Variants in SLC4A10 observed in about 807,000 individuals in gnomAD.
The protein encoded by SLC4A10 is solute carrier family 4 member 10.
A neutral mutation model predicts 137.7 loss-of-function variants in SLC4A10; 42 were observed. The ratio of observed to expected loss-of-function variants is 0.30; its 90% CI spans 0.24 to 0.39. SLC4A10 has a LOEUF of 0.39. Among genes scored for constraint, SLC4A10 ranks in the 10% least tolerant of loss-of-function variants. The pLI is 1.00. For synonymous variants in SLC4A10, 474 were observed against 464.1 expected, an observed-to-expected ratio of 1.02 and a Z score of -0.27; for missense variants, 925 against 1,355.0, an observed-to-expected ratio of 0.68 and a Z score of 4.98.
At chr2:161,982,031 G>C (rs1432434545) in intron 26 of SLC4A10, among the ~76,000 whole-genome samples, 10 of 152,234 alleles carry the variant, frequency 6.6e-5, no homozygotes, top group Non-Finnish European at 1.2e-4. Context: ...TGACCACTTA[G>C]AAAGTTGTAC....
At chr2:161,827,042 G>C (rs933785948) in intron 3 of SLC4A10, among the ~76,000 whole-genome samples, 6 of 152,120 alleles carry the variant, frequency 3.9e-5, no homozygotes, top group Admixed American at 1.3e-4. Flanking sequence ...TCACTACTTA[G>C]TATGGTATCT....
chr2:161,741,705 G>T (rs2047916282), intron 1 of SLC4A10, among the ~76,000 whole-genome samples: 1 of 152,094 alleles, frequency 6.6e-6, no homozygotes, highest in Non-Finnish European at 1.5e-5. Flanking sequence ...CATAATAGGT[G>T]TATATATTTA....
intron 15 of SLC4A10, among the ~76,000 whole-genome samples, chr2:161,909,017 G>A (rs1173754542): frequency 1.4e-5 from 2 of 145,760 alleles, no homozygotes; most frequent in Non-Finnish European, 3.0e-5. Context: ...AGTGACATAG[G>A]TGGGAATTGA....
chr2:161,665,782 A>G (rs1478135625), intron 1 of SLC4A10, among the ~76,000 whole-genome samples: 1 of 151,384 alleles, frequency 6.6e-6, no homozygotes, highest in Non-Finnish European at 1.5e-5. Flanking sequence ...TTTGAATGGT[A>G]ATCTTGGAGG....
At chr2:161,704,235 G>A (rs1188969710) in intron 1 of SLC4A10, among the ~76,000 whole-genome samples, 1 of 151,544 alleles carries the variant, frequency 6.6e-6, no homozygotes, top group Admixed American at 6.6e-5. Flanking sequence ...TGTTGTGAGA[G>A]CTAATTTGTC....
chr2:161,915,580 A>T (rs1372658621), intron 15 of SLC4A10, among the ~76,000 whole-genome samples: 1 of 152,162 alleles, frequency 6.6e-6, no homozygotes. Context: ...ATAAGAGAGC[A>T]TTGTAACATG....
At chr2:161,958,606 T>C in intron 21 of SLC4A10, 51 bp downstream of exon 21, 1 of 1,369,804 alleles carries the variant, frequency 7.3e-7, no homozygotes, top group Admixed American at 2.0e-5. Flanking sequence ...GACCTTAAGG[T>C]CTACTGATAA....
intron 7 of SLC4A10, 153 bp from the exon 8 acceptor site, chr2:161,873,763 A>T: frequency 1.5e-6 from 1 of 654,616 alleles, no homozygotes; most frequent in Non-Finnish European, 2.5e-6. Flanking sequence ...TGAAAAGATT[A>T]ATAGTGATCA....
At chr2:161,879,753 A>G (rs1230575050) in intron 9 of SLC4A10, among the ~76,000 whole-genome samples, 5 of 152,062 alleles carry the variant, frequency 3.3e-5, no homozygotes, top group Non-Finnish European at 7.4e-5. Flanking sequence ...TCGTTAGGAT[A>G]GCGTCAAATA....
At chr2:161,755,874 A>G (rs1374059592) in intron 1 of SLC4A10, among the ~76,000 whole-genome samples, 1 of 150,708 alleles carries the variant, frequency 6.6e-6, no homozygotes, top group Non-Finnish European at 1.5e-5. Flanking sequence ...AGGTAAAGAG[A>G]TTCTCCTGCC....
chr2:161,838,766 A>G (rs1319076917), intron 3 of SLC4A10, among the ~76,000 whole-genome samples: 1 of 152,232 alleles, frequency 6.6e-6, no homozygotes, highest in Non-Finnish European at 1.5e-5. Flanking sequence ...GTAACACCAC[A>G]ATGAAATACC....
chr2:161,920,707 T>C (rs1052413029), intron 15 of SLC4A10, among the ~76,000 whole-genome samples: 2 of 152,206 alleles, frequency 1.3e-5, no homozygotes, highest in African/African-American at 4.8e-5. Context: ...AGTTTCCATG[T>C]AACAAAATTT....
intron 1 of SLC4A10, among the ~76,000 whole-genome samples, chr2:161,753,930 C>A (rs2049294872): frequency 6.6e-6 from 1 of 151,038 alleles, no homozygotes. Flanking sequence ...TGCTCTGTTG[C>A]CCAGGCTGGA....
chr2:161,895,428 A>G (rs1283265973), intron 11 of SLC4A10, among the ~76,000 whole-genome samples: 2 of 152,260 alleles, frequency 1.3e-5, no homozygotes, highest in African/African-American at 4.8e-5. Context: ...GTATATACCC[A>G]GTAATGGGAT....
intron 1 of SLC4A10, among the ~76,000 whole-genome samples, chr2:161,705,526 T>C (rs763838222): frequency 1.3e-5 from 2 of 151,704 alleles, no homozygotes. Context: ...CGCTTTTTAC[T>C]CTGCTGTGGT....
chr2:161,959,706 A>G (rs1696298262), intron 21 of SLC4A10, among the ~76,000 whole-genome samples: 1 of 152,218 alleles, frequency 6.6e-6, no homozygotes, highest in Admixed American at 6.5e-5. Context: ...TGGTCTTTCC[A>G]TGTTTTCTAT....
chr2:161,817,034 A>G (rs1226876400), intron 3 of SLC4A10, among the ~76,000 whole-genome samples: 1 of 152,190 alleles, frequency 6.6e-6, no homozygotes, highest in African/African-American at 2.4e-5. Context: ...TTCTAGTTCT[A>G]GATCCCTGAG....
intron 1 of SLC4A10, among the ~76,000 whole-genome samples, chr2:161,684,085 T>C (rs1453921640): frequency 6.6e-6 from 1 of 152,186 alleles, no homozygotes; most frequent in Admixed American, 6.6e-5. Flanking sequence ...TCTTCTTTCT[T>C]TCTTCATGAA....
intron 26 of SLC4A10, 119 bp downstream of exon 26, chr2:161,977,879 G>C (rs1223729233): frequency 1.2e-6 from 1 of 815,220 alleles, no homozygotes; most frequent in Non-Finnish European, 1.8e-6. Context: ...AAAAGGCATG[G>C]AGAGTGTTGG....
Sources: gnomAD v4.1 joint callset for allele counts (sites outside exome capture counted in the v4.1 genomes callset) on GRCh38, gnomAD v4.1.1 for gene constraint, MANE v1.5 for transcripts, NCBI Gene and HGNC (gene_info 2026-07-23, HGNC 2026-07-21) for gene names.